PRKN: variants seen among roughly 807,000 people sequenced by gnomAD.
PRKN encodes the protein parkin RBR E3 ubiquitin protein ligase.
PRKN carries 56 observed loss-of-function variants against 59.5 expected under a neutral mutation model. That is an observed-to-expected ratio of 0.94 (90% CI 0.76 to 1.18). The LOEUF is 1.18. PRKN is among the 50% of genes most tolerant of loss of function. The pLI is 0.00. For missense variants in PRKN, 657 were observed against 596.4 expected (o/e 1.10, Z -1.06); for synonymous variants, 250 against 222.1 (o/e 1.13, Z -1.12).
At chr6:162,394,165 T>C (rs1787358021) in intron 2 of PRKN, among the ~76,000 whole-genome samples, 1 of 152,176 alleles carries the variant, frequency 6.6e-6, no homozygotes, top group Admixed American at 6.5e-5. Flanking sequence ...GAGAATATAC[T>C]TGTTCAAAAA....
intron 1 of PRKN, among the ~76,000 whole-genome samples, chr6:162,571,617 C>A (rs1458875537): frequency 1.3e-5 from 2 of 151,994 alleles, no homozygotes; most frequent in African/African-American, 2.4e-5. Flanking sequence ...GAGAAAACAG[C>A]CATTGATTTA....
intron 1 of PRKN, among the ~76,000 whole-genome samples, chr6:162,581,433 T>C (rs567466903): frequency 6.6e-6 from 1 of 152,332 alleles, no homozygotes; most frequent in African/African-American, 2.4e-5. Flanking sequence ...ATGACTTACA[T>C]AAAGAATTTG....
chr6:161,940,963 C>G (rs1440339837), intron 6 of PRKN, among the ~76,000 whole-genome samples: 1 of 152,134 alleles, frequency 6.6e-6, no homozygotes, highest in Non-Finnish European at 1.5e-5. Flanking sequence ...GCTTTGGACA[C>G]AGAATATTAT....
chr6:162,648,243 A>G (rs1254689142), intron 1 of PRKN, among the ~76,000 whole-genome samples: 2 of 152,174 alleles, frequency 1.3e-5, no homozygotes, highest in Non-Finnish European at 2.9e-5. Context: ...AGATTTTATA[A>G]TCACGTTTTT....
At chr6:162,674,945 T>C (rs773183496) in intron 1 of PRKN, among the ~76,000 whole-genome samples, 2 of 152,174 alleles carry the variant, frequency 1.3e-5, no homozygotes, top group Non-Finnish European at 2.9e-5. Flanking sequence ...TTTGACCTTA[T>C]ATGGCTAGGG....
chr6:162,619,392 C>T (rs1235519845), intron 1 of PRKN, among the ~76,000 whole-genome samples: 2 of 151,576 alleles, frequency 1.3e-5, no homozygotes, highest in East Asian at 1.9e-4. Context: ...GCAATCCGCC[C>T]GCCTCGGCCT....
At chr6:161,664,919 G>A (rs550873028) in intron 7 of PRKN, among the ~76,000 whole-genome samples, 1 of 151,734 alleles carries the variant, frequency 6.6e-6, no homozygotes, top group East Asian at 1.9e-4. Flanking sequence ...CTCCCGAGTA[G>A]CTGGGATTAC....
chr6:161,494,090 T>A (rs1398867515), intron 9 of PRKN, among the ~76,000 whole-genome samples: 4 of 152,246 alleles, frequency 2.6e-5, no homozygotes, highest in Non-Finnish European at 4.4e-5. Context: ...AGTGGGTGCT[T>A]GCAGACACAG....
In PRKN at chr6:161,361,072, T is replaced by TG. The variant is rs1784959681; in HGVS notation, c.1168-868dup. Among the ~76,000 whole-genome samples, 2 of 151,698 alleles carry TG rather than the reference T, an allele frequency of 1.3e-5. No homozygotes were observed. The highest frequency in any genetic ancestry group is 4.2e-4 in the South Asian group (2 of 4,780). ...CATCATGTATAAGGAGGTTTTCTGGTGGGGGTGGAAGCAAGAGGTCCTGGG... is the reference window on the plus strand; with the variant it reads ...CATCATGTATAAGGAGGTTTTCTGGTGGGGGGTGGAAGCAAGAGGTCCTGGG... On this transcript the variant is annotated intron_variant, in intron 10 of 11. Transcript: ENST00000366898. This position sits in a 1 kb window ranked among gnomAD's most constrained non-coding sequence, Gnocchi z 5.2.
At chr6:162,510,711 C>G (rs1293339672) in intron 1 of PRKN, among the ~76,000 whole-genome samples, 1 of 152,114 alleles carries the variant, frequency 6.6e-6, no homozygotes, top group African/African-American at 2.4e-5. Flanking sequence ...CACTTGAGGT[C>G]AAGAGTTCAA....
chr6:162,583,475 T>G (rs1020084818), intron 1 of PRKN, among the ~76,000 whole-genome samples: 1 of 152,176 alleles, frequency 6.6e-6, no homozygotes, highest in African/African-American at 2.4e-5. Flanking sequence ...AATATAATAG[T>G]CTCATATCCA....
chr6:161,666,926 A>C (rs557718855), intron 7 of PRKN, among the ~76,000 whole-genome samples: 1 of 152,274 alleles, frequency 6.6e-6, no homozygotes, highest in African/African-American at 2.4e-5. Flanking sequence ...ACCTTCATGT[A>C]ATGGGAGACT....
At chr6:161,455,545 G>A (rs533394933) in intron 9 of PRKN, among the ~76,000 whole-genome samples, 21 of 152,032 alleles carry the variant, frequency 1.4e-4, no homozygotes, top group Admixed American at 1.0e-3. Context: ...AATCACATCC[G>A]GTCCCTGGTG....
At chr6:161,925,445 C>T (rs1200317999) in intron 6 of PRKN, among the ~76,000 whole-genome samples, 1 of 152,098 alleles carries the variant, frequency 6.6e-6, no homozygotes, top group African/African-American at 2.4e-5. Flanking sequence ...GTGGCGGGCG[C>T]CTGTGATCCC....
At position 161,445,278 on chromosome 6, in the gene PRKN, C is replaced by T. The variant is rs978374307; in HGVS notation, c.1084-58401G>A. Among the ~76,000 whole-genome samples, 19 of 152,114 alleles carry T rather than the reference C, an allele frequency of 1.2e-4. No individual in the cohort carries two copies. Among genetic ancestry groups the T allele is most frequent in the African/African-American group, 4.6e-4 (19 of 41,428 alleles). On this transcript the variant is annotated intron_variant, in intron 9 of 11. Transcript: ENST00000366898. This position sits in a 1 kb window ranked among gnomAD's most constrained non-coding sequence, Gnocchi z 7.7. ...AAAGACAGGACTGTAAAACATAGAC[C>T]GCATGTGACCTGCTGGTGCTCGGCA...
chr6:162,493,616 T>A (rs1345092496), intron 1 of PRKN, among the ~76,000 whole-genome samples: 2 of 152,206 alleles, frequency 1.3e-5, no homozygotes, highest in Non-Finnish European at 2.9e-5. Flanking sequence ...ATATGAGCAG[T>A]GAAGAAGATA....
At chr6:162,496,691 T>C (rs926935598) in intron 1 of PRKN, among the ~76,000 whole-genome samples, 1 of 152,236 alleles carries the variant, frequency 6.6e-6, no homozygotes, top group African/African-American at 2.4e-5. Flanking sequence ...TTGGTTTTTC[T>C]CCTTCTAAAA....
At chr6:162,436,712 T>A (rs1441742898) in intron 2 of PRKN, among the ~76,000 whole-genome samples, 1 of 152,194 alleles carries the variant, frequency 6.6e-6, no homozygotes, top group African/African-American at 2.4e-5. Flanking sequence ...TACTTTTGCT[T>A]AGTTTAAATA....
Position 161,785,769 on chromosome 6 carries a change from T to C in PRKN, c.871+3A>G. ...AGATGGAGAGAAAACATGCTAGACT[T>C]ACCCACACAAGGCAGGGAGTAGCCA... On this transcript the variant is annotated splice_donor_region_variant and intron_variant, in intron 7 of 11. Coordinates refer to ENST00000366898, the MANE Select transcript of PRKN (RefSeq NM_004562.3). 6.2e-7 allele frequency: 1 copy of C among 1,613,838 alleles called. No individual in the cohort carries two copies. The highest frequency in any genetic ancestry group is 8.5e-7 in the Non-Finnish European group (1 of 1,179,822).
Sources: gnomAD v4.1 joint callset for allele counts (sites outside exome capture counted in the v4.1 genomes callset) on GRCh38, gnomAD v4.1.1 for gene constraint, Gnocchi (gnomAD v3.1) non-coding constraint, MANE v1.5 for transcripts, NCBI Gene and HGNC (gene_info 2026-07-23, HGNC 2026-07-21) for gene names.